The following CLSTN2 variants were observed in gnomAD, a reference collection of about 807,000 sequenced individuals.
CLSTN2 encodes calsyntenin 2, also known as calsyntenin-2.
A neutral mutation model predicts 101.2 loss-of-function variants in CLSTN2; 48 were observed. The ratio of observed to expected loss-of-function variants is 0.47; its 90% confidence interval spans 0.38 to 0.60. The LOEUF (loss-of-function observed/expected upper bound fraction) is 0.60. Ranked by LOEUF, CLSTN2 falls within the 20% of genes least tolerant of loss-of-function variation. The pLI, the probability that CLSTN2 is intolerant of heterozygous loss-of-function variation, is 0.00. For synonymous variants in CLSTN2, 481 were observed against 463.6 expected, an observed-to-expected ratio of 1.04 and a Z score of -0.48; for missense variants, 1,160 against 1,238.2, an observed-to-expected ratio of 0.94 and a Z score of 0.95.
intron 2 of CLSTN2, among the ~76,000 whole-genome samples, chr3:140,321,099 GGTGCCCTAGCTGACTGCTT>G (rs1272966501): frequency 6.6e-6 from 1 of 152,206 alleles, no homozygotes; most frequent in Non-Finnish European, 1.5e-5. Context: ...TAAAGGGCAA[GGTGCCCTAGCTGACTGCTT>G]GTGAGAGGTT....
chr3:140,555,748 C>T (rs1935779251), intron 10 of CLSTN2, among the ~76,000 whole-genome samples: 1 of 152,154 alleles, frequency 6.6e-6, no homozygotes, highest in African/African-American at 2.4e-5. Flanking sequence ...AGGCAGTTTT[C>T]CCTGCCTCAT....
intron 1 of CLSTN2, among the ~76,000 whole-genome samples, chr3:140,116,839 A>G (rs1258208060): frequency 6.6e-6 from 1 of 152,174 alleles, no homozygotes; most frequent in Non-Finnish European, 1.5e-5. Context: ...ATCCCTTCTA[A>G]GCACCCATAC....
At chr3:139,953,781 T>C (rs887272796) in intron 1 of CLSTN2, among the ~76,000 whole-genome samples, 1 of 152,146 alleles carries the variant, frequency 6.6e-6, no homozygotes, top group African/African-American at 2.4e-5. Flanking sequence ...TTTCTTCCCT[T>C]CCTGAGTCAC....
At position 140,316,425 on chromosome 3, in the gene CLSTN2, C is replaced by T. The variant is rs935391179; in HGVS notation, c.233-87204C>T. ...CATATATCAGGGGCCAACCATGATGCTAGTACAAGTAGGCACCTGCTAAAC... is the reference window on the plus strand; with the variant it reads ...CATATATCAGGGGCCAACCATGATGTTAGTACAAGTAGGCACCTGCTAAAC... On this transcript the variant is annotated intron_variant, in intron 2 of 16. Transcript: ENST00000458420. Among the ~76,000 whole-genome samples, 12 of 152,176 alleles carry T rather than the reference C, an allele frequency of 7.9e-5. No homozygotes were observed. The East Asian group carries it at 2.3e-3, about 29-fold the overall frequency.
intron 2 of CLSTN2, among the ~76,000 whole-genome samples, chr3:140,339,935 C>T (rs1345643084): frequency 6.6e-6 from 1 of 152,202 alleles, no homozygotes; most frequent in East Asian, 1.9e-4. Flanking sequence ...ACTGGCTCCA[C>T]CACACACTAA....
At chr3:140,237,725 A>G (rs1454352265) in intron 2 of CLSTN2, among the ~76,000 whole-genome samples, 4 of 152,142 alleles carry the variant, frequency 2.6e-5, no homozygotes, top group Non-Finnish European at 4.4e-5. Context: ...ACAATACCTG[A>G]CAGCCAGTTT....
chr3:140,150,679 G>C (rs1307272446), intron 1 of CLSTN2, among the ~76,000 whole-genome samples: 2 of 152,160 alleles, frequency 1.3e-5, no homozygotes, highest in African/African-American at 4.8e-5. Context: ...AGCATCCAGA[G>C]GTGTGTTGAG....
intron 1 of CLSTN2, among the ~76,000 whole-genome samples, chr3:140,052,437 T>C (rs2008015008): frequency 6.6e-6 from 1 of 152,182 alleles, no homozygotes; most frequent in South Asian, 2.1e-4. Flanking sequence ...ATTACAGGCA[T>C]AAGCCACCGC....
intron 6 of CLSTN2, among the ~76,000 whole-genome samples, chr3:140,451,929 G>A (rs1576575135): frequency 6.6e-6 from 1 of 152,304 alleles, no homozygotes; most frequent in East Asian, 1.9e-4. Flanking sequence ...TTAGAGCCAT[G>A]GTCTAAGCAA....
chr3:140,349,986 A>G (rs1411125267), intron 2 of CLSTN2, among the ~76,000 whole-genome samples: 1 of 152,218 alleles, frequency 6.6e-6, no homozygotes, highest in African/African-American at 2.4e-5. Context: ...TGAATGCGTC[A>G]TCTGGATGAC....
chr3:140,556,892 T>C (rs1274841526), intron 11 of CLSTN2: 9 of 518,046 alleles, frequency 1.7e-5, no homozygotes, highest in Non-Finnish European at 1.0e-5. Context: ...ATCTTGTATC[T>C]TATCTAATGC....
intron 8 of CLSTN2, among the ~76,000 whole-genome samples, chr3:140,485,468 T>A (rs1357714673): frequency 6.6e-6 from 1 of 152,188 alleles, no homozygotes; most frequent in Non-Finnish European, 1.5e-5. Context: ...GGAGAACCAC[T>A]ACTCTCTTCA....
chr3:140,444,111 G>A (rs773230541), intron 5 of CLSTN2, among the ~76,000 whole-genome samples: 6 of 152,122 alleles, frequency 3.9e-5, no homozygotes, highest in Admixed American at 6.5e-5. Context: ...AATTATAGTT[G>A]TCTCAGTTCT....
rs139735002 is a variant in CLSTN2 at position 139,989,558 on chromosome 3, G to T, written c.109+54075G>T. 4.8e-3 allele frequency among the ~76,000 whole-genome samples: 726 copies of T among 152,234 alleles called. 7 individuals are homozygous for T. The highest frequency in any genetic ancestry group is 0.017 in the African/African-American group (694 of 41,542). On this transcript the variant is annotated intron_variant, in intron 1 of 16. Coordinates refer to ENST00000458420, the MANE Select transcript of CLSTN2 (RefSeq NM_022131.3). ...CTCTGTCTGCCCTCACTCCCCAGTA[G>T]TCTGCCTTCTCCTGGACCCAGCAGA...
At chr3:140,307,249 C>G (rs2107914124) in intron 2 of CLSTN2, among the ~76,000 whole-genome samples, 1 of 152,228 alleles carries the variant, frequency 6.6e-6, no homozygotes, top group East Asian at 1.9e-4. Context: ...TTATCAGCAG[C>G]ATGATAACAA....
chr3:140,153,577 T>C (rs1198295379), intron 1 of CLSTN2, among the ~76,000 whole-genome samples: 1 of 152,220 alleles, frequency 6.6e-6, no homozygotes, highest in Non-Finnish European at 1.5e-5. Flanking sequence ...TGGTGAAGTG[T>C]TGTTAAAAAG....
intron 1 of CLSTN2, among the ~76,000 whole-genome samples, chr3:140,035,619 T>A (rs1052574073): frequency 6.6e-6 from 1 of 152,192 alleles, no homozygotes; most frequent in African/African-American, 2.4e-5. Flanking sequence ...ACCTGCCTCA[T>A]AGGGTTGTTT....
chr3:140,124,654 G>A (rs1488437209), intron 1 of CLSTN2, among the ~76,000 whole-genome samples: 1 of 152,160 alleles, frequency 6.6e-6, no homozygotes, highest in Non-Finnish European at 1.5e-5. Context: ...GAGATATGGG[G>A]GCAGCCATCA....
At chr3:140,064,893 G>A (rs2008273082) in intron 1 of CLSTN2, among the ~76,000 whole-genome samples, 1 of 152,110 alleles carries the variant, frequency 6.6e-6, no homozygotes, top group Non-Finnish European at 1.5e-5. Flanking sequence ...GATTAAAGAT[G>A]ACAAAGGGAA....
Sources: allele counts gnomAD v4.1 joint callset (sites outside exome capture counted in the v4.1 genomes callset), GRCh38; gene constraint gnomAD v4.1.1; transcripts MANE v1.5; gene names NCBI Gene and HGNC (gene_info 2026-07-23, HGNC 2026-07-21).